The following COMT variants were observed in gnomAD, a reference collection of about 807,000 sequenced individuals.
COMT encodes the protein catechol-O-methyltransferase.
In COMT, 13 loss-of-function variants were observed where a neutral mutation model predicts 18.9. The ratio of observed to expected loss-of-function variants is 0.69; its 90% CI spans 0.45 to 1.09. The LOEUF is 1.09. Ranked by LOEUF, COMT falls within the 50% of genes least tolerant of loss-of-function variation. COMT has a pLI of 0.00. For missense variants in COMT, 329 were observed against 361.8 expected (o/e 0.91, Z 0.73); for synonymous variants, 150 against 160.9 (o/e 0.93, Z 0.51).
At chr22:19,962,900 A>C in intron 3 of COMT, 85 bp downstream of exon 3, 1 of 1,499,444 alleles carries the variant, frequency 6.7e-7, no homozygotes, top group South Asian at 1.3e-5. Context: ...AGCTGTTATC[A>C]CCCCATTTCC....
In COMT at chr22:19,969,152, CTG is replaced by C. The variant is rs1942602850; in HGVS notation, c.*417_*418del. The C allele has an allele frequency of 5.2e-6, 1 of 192,554 alleles. No homozygotes were observed. Among genetic ancestry groups the C allele is most frequent in the Admixed American group, 5.5e-5 (1 of 18,132 alleles). The allele number at this position is 192,554 out of a possible 1,614,324, so 11.9% of individuals were successfully genotyped here. On this transcript the variant is annotated 3_prime_UTR_variant, in exon 6 of 6. Coordinates refer to ENST00000361682, the MANE Select transcript of COMT (RefSeq NM_000754.4). ...GGCGGGGCCCCTAGCTGGCTGGGTT[CTG>C]GGTGGCACGCCTGGCCCACTGGCCT...
chr22:19,959,429 A>G (rs539504120), intron 1 of COMT, among the ~76,000 whole-genome samples: 3 of 152,252 alleles, frequency 2.0e-5, no homozygotes, highest in Admixed American at 1.3e-4. Context: ...CCCAAAGTCA[A>G]TTGGATGTGG....
chr22:19,957,675 G>T (rs1942093953), intron 1 of COMT, among the ~76,000 whole-genome samples: 1 of 152,264 alleles, frequency 6.6e-6, no homozygotes, highest in East Asian at 1.9e-4. Flanking sequence ...CATGTGGCGT[G>T]CATGTGGCAA....
At position 19,941,852 on chromosome 22, in the gene COMT, G is replaced by C; in HGVS notation, c.-137G>C. 1 of 1,467,570 alleles carries C rather than the reference G, an allele frequency of 6.8e-7. No individual in the cohort carries two copies. Among genetic ancestry groups the C allele is most frequent in the South Asian group, 1.3e-5 (1 of 75,524 alleles). The allele number at this position is 1,467,570 out of a possible 1,614,324, so 90.9% of individuals were successfully genotyped here. ...TAGGGCTGCCCGCCGCGCTGCCTGC[G>C]CCGGACCGGGGCGGGTCCAGTCCCG... On this transcript the variant is annotated 5_prime_UTR_variant, in exon 1 of 6. Transcript: ENST00000361682.
At chr22:19,961,707 C>T (rs1304268217) in intron 2 of COMT, 2 of 152,324 alleles carry the variant, frequency 1.3e-5, no homozygotes, top group African/African-American at 4.8e-5. Context: ...GGTCTGTGAC[C>T]TGAACCCCTG....
In COMT at chr22:19,968,962, T is replaced by A; in HGVS notation, c.*226T>A. Reference sequence around the variant, plus strand: ...TTACTAACACTGGCTAGCTATATTATCTTATATACTAATATCATGTTTTAA... The same window carrying A: ...TTACTAACACTGGCTAGCTATATTAACTTATATACTAATATCATGTTTTAA... On this transcript the variant is annotated 3_prime_UTR_variant, in exon 6 of 6. Coordinates refer to ENST00000361682, the MANE Select transcript of COMT (RefSeq NM_000754.4). The A allele has an allele frequency of 1.9e-6, 1 of 516,560 alleles. No homozygotes were observed. Among genetic ancestry groups the A allele is most frequent in the East Asian group, 3.4e-5 (1 of 29,850 alleles). The allele number at this position is 516,560 out of a possible 1,614,324, so 32.0% of individuals were successfully genotyped here. A position where few individuals can be genotyped will look rare whatever the true frequency, so the allele number is the denominator to read the frequency against.
At chr22:19,967,263 A>G (rs1942455082) in intron 5 of COMT, 3 of 1,258,794 alleles carry the variant, frequency 2.4e-6, no homozygotes, top group South Asian at 1.2e-5. Context: ...GAAGTCCAGG[A>G]GCCCAGGCCC....
intron 1 of COMT, among the ~76,000 whole-genome samples, chr22:19,948,868 T>C (rs1233453245): frequency 1.3e-5 from 2 of 148,736 alleles, no homozygotes; most frequent in African/African-American, 5.0e-5. Flanking sequence ...GACAGCAGAA[T>C]TGCTTAAGCC....
At chr22:19,954,218 CA>C (rs361699) in intron 1 of COMT, among the ~76,000 whole-genome samples, 49 of 135,364 alleles carry the variant, frequency 3.6e-4, no homozygotes, top group Non-Finnish European at 2.4e-4. Context: ...GGTATTGAGT[CA>C]AAAAAAAAAA....
At position 19,969,873 on chromosome 22, in the gene COMT, C is replaced by A; in HGVS notation, c.*1137C>A. 1 of 985,452 alleles carries A rather than the reference C, an allele frequency of 1.0e-6. No individual in the cohort carries two copies. Among genetic ancestry groups the A allele is most frequent in the Non-Finnish European group, 1.2e-6 (1 of 829,940 alleles). 61.0% of individuals were successfully genotyped at this position (985,452 alleles called of 1,614,324 possible). ...GGAGAAGCCAGCCACTTGTGCCAGA[C>A]CTGAGTGGCAGAAAGCAAAAAGTTC... On this transcript the variant is annotated 3_prime_UTR_variant, in exon 6 of 6. Coordinates refer to ENST00000361682, the MANE Select transcript of COMT (RefSeq NM_000754.4).
rs760348397 is a variant in COMT at position 19,963,573 on chromosome 22, C to T, written c.297C>T (p.Ile99=). 5.0e-6 allele frequency: 8 copies of T among 1,612,082 alleles called. No homozygotes were observed. In the Admixed American group the frequency reaches 5.0e-5, roughly 10 times the overall value. ...AMNVGDKKGK[I]VDAVIQEHQP... The stretch of plus-strand genomic sequence containing the variant: ...GTCCCCAACCCTGCACAGGCAAGAT[C>T]GTGGACGCCGTGATTCAGGAGCACC... The change falls in exon 4 of 6, where the codon ATC becomes ATT. Residue 99 remains isoleucine, a synonymous_variant. Transcript: ENST00000361682.
At chr22:19,962,444 A>G (rs1241798613) in intron 2 of COMT, 83 bp from the exon 3 acceptor site, 14 of 1,539,218 alleles carry the variant, frequency 9.1e-6, no homozygotes, top group Non-Finnish European at 1.2e-5. Context: ...CAAGGGGGCG[A>G]TGGTGGCACT....
chr22:19,955,990 CAGG>C (rs1272474775), intron 1 of COMT, among the ~76,000 whole-genome samples: 1 of 152,026 alleles, frequency 6.6e-6, no homozygotes, highest in African/African-American at 2.4e-5. Flanking sequence ...CCTTCCTGAG[CAGG>C]AGGATGTGGG....
chr22:19,963,557 C>A lies in COMT; in HGVS notation c.290-9C>A. 6.2e-7 allele frequency: 1 copy of A among 1,611,366 alleles called. No individual in the cohort carries two copies. Among genetic ancestry groups the A allele is most frequent in the Admixed American group, 1.7e-5 (1 of 60,006 alleles). On this transcript the variant is annotated splice_polypyrimidine_tract_variant and intron_variant, in intron 3 of 5. Coordinates refer to ENST00000361682, the MANE Select transcript of COMT (RefSeq NM_000754.4). ...TGCTCACCTCTCCTCCGTCCCCAACCCTGCACAGGCAAGATCGTGGACGCC... is the reference window on the plus strand; with the variant it reads ...TGCTCACCTCTCCTCCGTCCCCAACACTGCACAGGCAAGATCGTGGACGCC...
Position 19,964,202 on chromosome 22 carries a change from T to A in COMT, c.518T>A (p.Ile173Asn), listed in dbSNP as rs768611995. The change falls in exon 5 of 6, where the codon ATC becomes AAC. Residue 173 changes from isoleucine (I) to asparagine (N), a missense_variant. By Grantham distance (149) the Ile-to-Asn change is moderately radical. Coordinates refer to ENST00000361682, the MANE Select transcript of COMT (RefSeq NM_000754.4). Reference sequence around the variant, plus strand: ...GTGGTTGGAGCGTCCCAGGACATCATCCCCCAGCTGAAGAAGAAGTATGAT... The same window carrying A: ...GTGGTTGGAGCGTCCCAGGACATCAACCCCCAGCTGAAGAAGAAGTATGAT... ...TLVVGASQDI[I>N]PQLKKKYDVD... The A allele has an allele frequency of 9.1e-5, 147 of 1,613,894 alleles. No individual in the cohort carries two copies. Among genetic ancestry groups the A allele is most frequent in the Non-Finnish European group, 1.2e-4 (142 of 1,180,014 alleles).
intron 1 of COMT, among the ~76,000 whole-genome samples, chr22:19,949,298 G>A (rs1392720842): frequency 6.6e-6 from 1 of 152,092 alleles, no homozygotes; most frequent in Non-Finnish European, 1.5e-5. Context: ...CACCATGCCA[G>A]GCTAATAATT....
intron 3 of COMT, chr22:19,963,281 C>A: frequency 1.7e-6 from 1 of 579,148 alleles, no homozygotes; most frequent in Non-Finnish European, 3.1e-6. Flanking sequence ...ACACTGGGGC[C>A]AGCCAGGAAG....
At chr22:19,963,922 C>T in intron 4 of COMT, 163 bp downstream of exon 4, 2 of 1,172,332 alleles carry the variant, frequency 1.7e-6, no homozygotes, top group Non-Finnish European at 2.4e-6. Flanking sequence ...GAGGAAAGAC[C>T]CCCCCAGCAG....
intron 1 of COMT, among the ~76,000 whole-genome samples, chr22:19,958,469 G>A (rs1285722913): frequency 6.7e-6 from 1 of 149,660 alleles, no homozygotes; most frequent in Non-Finnish European, 1.5e-5. Flanking sequence ...CTGACCACAT[G>A]TTTAACTTTT....
Sources: allele counts gnomAD v4.1 joint callset (sites outside exome capture counted in the v4.1 genomes callset), GRCh38; gene constraint gnomAD v4.1.1; transcripts MANE v1.5; gene names NCBI Gene and HGNC (gene_info 2026-07-23, HGNC 2026-07-21).